Variants in RTTN observed in about 807,000 individuals in gnomAD.
RTTN encodes rotatin.
RTTN carries 182 observed loss-of-function variants against 269.2 expected under a neutral mutation model. That is an observed-to-expected ratio of 0.68 (90% CI 0.60 to 0.76). The LOEUF is 0.76. RTTN is among the 30% of genes least tolerant of loss of function. The pLI is 0.00. For missense variants in RTTN, 2,545 were observed against 2,608.6 expected, an observed-to-expected ratio of 0.98 and a Z score of 0.53; for synonymous variants, 1,006 against 963.5, an observed-to-expected ratio of 1.04 and a Z score of -0.82.
rs555774376 is a variant in RTTN, at chr18:70,176,638, T to C, written c.1476+37A>G. 3.2e-6 allele frequency: 5 copies of C among 1,574,902 alleles called. No individual in the cohort carries two copies. The East Asian group carries it at 1.1e-4, about 36-fold the overall frequency. Reference sequence around the variant, plus strand: ...ACAACAGAGCATTTATTTATAATAGTCTGTAAAGTACAAATGAGCAGCATT... The same window carrying C: ...ACAACAGAGCATTTATTTATAATAGCCTGTAAAGTACAAATGAGCAGCATT... On this transcript the variant is annotated intron_variant, in intron 11 of 48. Coordinates refer to ENST00000640769, the MANE Select transcript of RTTN (RefSeq NM_173630.4).
At chr18:70,157,844 GA>G (rs1399703131) in intron 14 of RTTN, among the ~76,000 whole-genome samples, 1 of 151,020 alleles carries the variant, frequency 6.6e-6, no homozygotes, top group African/African-American at 2.4e-5. Flanking sequence ...CATAACTGAG[GA>G]AAAAAATCTC....
intron 31 of RTTN, among the ~76,000 whole-genome samples, chr18:70,087,422 T>G (rs978597483): frequency 6.6e-6 from 1 of 152,140 alleles, no homozygotes; most frequent in Non-Finnish European, 1.5e-5. Flanking sequence ...AAACTAGCCT[T>G]TTGAGCTTGG....
At chr18:70,157,030 C>T (rs1371889332) in intron 14 of RTTN, among the ~76,000 whole-genome samples, 1 of 152,200 alleles carries the variant, frequency 6.6e-6, no homozygotes, top group Non-Finnish European at 1.5e-5. Flanking sequence ...TGCCAACAGC[C>T]TCTGCCTTCC....
Position 70,193,325 on chromosome 18 carries a change from T to C in RTTN, c.970A>G (p.Arg324Gly). 8 of 1,611,604 alleles carry C rather than the reference T, an allele frequency of 5.0e-6. No homozygotes were observed. Among genetic ancestry groups the C allele is most frequent in the Non-Finnish European group, 6.8e-6 (8 of 1,178,828 alleles). The change falls in exon 8 of 49, where the codon AGA becomes GGA. Residue 324 changes from arginine (R) to glycine (G), a missense_variant. Transcript: ENST00000640769. ...SVVGRTGQRP[R>G]GDGQDWDAAS... ...GCATCCCAGTCCTGGCCATCTCCTCTGGGTCGCTGGCCTGTGCGCCCAACC... is the reference window on the plus strand; with the variant it reads ...GCATCCCAGTCCTGGCCATCTCCTCCGGGTCGCTGGCCTGTGCGCCCAACC...
rs767219926 is a variant in RTTN at position 70,017,629 on chromosome 18, C to T, written c.6199G>A (p.Gly2067Arg). 6 of 1,613,498 alleles carry T rather than the reference C, an allele frequency of 3.7e-6. No homozygotes were observed. The East Asian group carries it at 1.3e-4, about 36-fold the overall frequency. The change falls in exon 46 of 49, where the codon GGA becomes AGA. Residue 2067 changes from glycine to arginine, a missense_variant. By Grantham distance (125) the Gly-to-Arg change is moderately radical. Transcript: ENST00000640769. Reference sequence around the variant, plus strand: ...GTCAGATTACTTAGATGTTTATTTCCTCCTTTTGGCAATGCTAGAGAGAGG... The same window carrying T: ...GTCAGATTACTTAGATGTTTATTTCTTCCTTTTGGCAATGCTAGAGAGAGG... ...NFLSLALPKGGNKHLSNLTIL... is the reference protein window; with the variant it reads ...NFLSLALPKGRNKHLSNLTIL...
At chr18:70,022,302 C>T (rs2056728862) in intron 44 of RTTN, among the ~76,000 whole-genome samples, 1 of 152,084 alleles carries the variant, frequency 6.6e-6, no homozygotes, top group African/African-American at 2.4e-5. Flanking sequence ...TCATTCCCAT[C>T]AAGTCTACCA....
At chr18:70,128,695 A>G in intron 23 of RTTN, 149 bp from the exon 24 acceptor site, 1 of 621,500 alleles carries the variant, frequency 1.6e-6, no homozygotes, top group Non-Finnish European at 2.8e-6. Flanking sequence ...CAATTATCAT[A>G]ATTTATACAG....
At position 70,166,957 on chromosome 18, in the gene RTTN, GA is replaced by G. The variant is rs1172919734; in HGVS notation, c.1763del (p.Phe588SerfsTer3). On this transcript the variant is annotated frameshift_variant, in exon 13 of 49. Coordinates refer to ENST00000640769, the MANE Select transcript of RTTN (RefSeq NM_173630.4). LOFTEE classifies it high-confidence loss of function. ...TGCTGATGATTTCCTTTATTAGCGGGAAATGCTGATGATAGGAAAAGCTACG... is the reference window on the plus strand; with the variant it reads ...TGCTGATGATTTCCTTTATTAGCGGGAATGCTGATGATAGGAAAAGCTACG... ...ALRSFSYHQH[F>X]PLIKEIISIC... The G allele has an allele frequency of 1.2e-6, 2 of 1,613,270 alleles. No homozygotes were observed. Among genetic ancestry groups the G allele is most frequent in the African/African-American group, 2.7e-5 (2 of 74,898 alleles).
intron 40 of RTTN, among the ~76,000 whole-genome samples, chr18:70,047,753 C>T (rs2057531845): frequency 6.6e-6 from 1 of 152,152 alleles, no homozygotes; most frequent in Non-Finnish European, 1.5e-5. Flanking sequence ...CAAATCTTTA[C>T]ATCATATTCA....
intron 3 of RTTN, among the ~76,000 whole-genome samples, chr18:70,203,047 A>G (rs1460954783): frequency 6.6e-6 from 1 of 151,918 alleles, no homozygotes; most frequent in Non-Finnish European, 1.5e-5. Flanking sequence ...ATTCAAATGC[A>G]TTCCATGTGC....
intron 14 of RTTN, among the ~76,000 whole-genome samples, chr18:70,156,118 A>G (rs537825155): frequency 6.6e-6 from 1 of 152,306 alleles, no homozygotes; most frequent in South Asian, 2.1e-4. Flanking sequence ...AAGAGAGATC[A>G]CCTTAAACTC....
chr18:70,081,148 C>T (rs568704882), intron 32 of RTTN, among the ~76,000 whole-genome samples: 1 of 152,184 alleles, frequency 6.6e-6, no homozygotes, highest in South Asian at 2.1e-4. Flanking sequence ...TTAAGAATGA[C>T]ACAACGGACT....
chr18:70,184,717 T>TTTTTTTTGTGTGG (rs35611875), intron 10 of RTTN, among the ~76,000 whole-genome samples: 1 of 19,030 alleles, frequency 5.3e-5, no homozygotes, highest in Admixed American at 6.6e-4. Flanking sequence ...TTTTTTTTTT[T>TTTTTTTTGTGTGG]GTGTGTGTGT....
intron 34 of RTTN, among the ~76,000 whole-genome samples, chr18:70,072,172 A>G (rs781227128): frequency 2.6e-5 from 4 of 152,154 alleles, no homozygotes; most frequent in Non-Finnish European, 4.4e-5. Context: ...TACGAAGACT[A>G]TTTTTGTAAC....
chr18:70,040,572 A>G (rs7234554), intron 40 of RTTN, among the ~76,000 whole-genome samples: 1 of 152,070 alleles, frequency 6.6e-6, no homozygotes, highest in South Asian at 2.1e-4. Context: ...ATCTTCCAGA[A>G]AGAAAATCAC....
chr18:70,018,732 C>T (rs1188370682), intron 45 of RTTN, among the ~76,000 whole-genome samples: 1 of 150,838 alleles, frequency 6.6e-6, no homozygotes, highest in African/African-American at 2.4e-5. Context: ...GCCAAACTGA[C>T]AGTTTTTAGA....
At chr18:70,017,296 C>T (rs1165934252) in intron 46 of RTTN, 111 bp downstream of exon 46, 3 of 1,056,106 alleles carry the variant, frequency 2.8e-6, no homozygotes, top group Non-Finnish European at 2.7e-6. Flanking sequence ...GCTTTGAACA[C>T]AGTGGGTGCT....
intron 35 of RTTN, among the ~76,000 whole-genome samples, chr18:70,062,827 C>A (rs1331718716): frequency 2.0e-5 from 3 of 152,082 alleles, no homozygotes; most frequent in African/African-American, 4.8e-5. Context: ...TGAAAAGTAT[C>A]TCCCACCTCA....
intron 21 of RTTN, among the ~76,000 whole-genome samples, chr18:70,135,518 A>G (rs530617790): frequency 5.0e-4 from 76 of 152,274 alleles, no homozygotes; most frequent in African/African-American, 1.7e-3. Flanking sequence ...TGAATTTCTA[A>G]TAAGTTCTCA....
Sources: gnomAD v4.1 joint callset for allele counts (sites outside exome capture counted in the v4.1 genomes callset) on GRCh38, gnomAD v4.1.1 for gene constraint, MANE v1.5 for transcripts, NCBI Gene and HGNC (gene_info 2026-07-23, HGNC 2026-07-21) for gene names.